Variants in CPNE4 observed in about 807,000 individuals in gnomAD.
CPNE4 encodes the protein copine-4.
In CPNE4, 25 loss-of-function variants were observed where a neutral mutation model predicts 67.9. That is an observed-to-expected ratio of 0.37 (90% CI 0.27 to 0.51). CPNE4 has a LOEUF of 0.51. CPNE4 is among the 20% of genes least tolerant of loss of function. The pLI, the probability that CPNE4 is intolerant of heterozygous loss-of-function variation, is 0.93. For synonymous variants in CPNE4, 242 were observed against 244.9 expected (o/e 0.99, Z 0.11); for missense variants, 464 against 690.8 (o/e 0.67, Z 3.68).
At chr3:131,774,682 G>T (rs941956092) in intron 2 of CPNE4, among the ~76,000 whole-genome samples, 5 of 152,010 alleles carry the variant, frequency 3.3e-5, no homozygotes, top group Admixed American at 1.3e-4. Context: ...GTGCTTCAGG[G>T]TCTTCTACCA....
At chr3:131,541,123 A>C (rs1335250568) in intron 15 of CPNE4, among the ~76,000 whole-genome samples, 2 of 152,144 alleles carry the variant, frequency 1.3e-5, no homozygotes, top group Non-Finnish European at 2.9e-5. Flanking sequence ...GGTGGCTTTC[A>C]CAAGAAGCAC....
chr3:131,848,968 A>AAAAAAAAAAAAC (rs2086120052), intron 2 of CPNE4, among the ~76,000 whole-genome samples: 1 of 148,328 alleles, frequency 6.7e-6, no homozygotes, highest in African/African-American at 2.5e-5. Context: ...AAAAAAAAAA[A>AAAAAAAAAAAAC]AAAAAAAAAA....
intron 13 of CPNE4, 127 bp downstream of exon 13, chr3:131,552,313 T>C: frequency 1.3e-6 from 1 of 793,850 alleles, no homozygotes; most frequent in Non-Finnish European, 2.1e-6. Context: ...TGGTTTATGT[T>C]GATACAGAAA....
At chr3:131,900,647 T>A (rs752056883) in intron 2 of CPNE4, among the ~76,000 whole-genome samples, 3 of 152,118 alleles carry the variant, frequency 2.0e-5, no homozygotes, top group African/African-American at 7.2e-5. Context: ...TAGTGCTCAA[T>A]ACATGCTGGG....
intron 1 of CPNE4, among the ~76,000 whole-genome samples, chr3:131,947,329 A>G (rs1342004828): frequency 6.6e-6 from 1 of 152,060 alleles, no homozygotes; most frequent in Non-Finnish European, 1.5e-5. Context: ...TCAACCCATC[A>G]TTTAGGTTTT....
intron 2 of CPNE4, among the ~76,000 whole-genome samples, chr3:131,772,427 G>A (rs2083191227): frequency 6.6e-6 from 1 of 152,172 alleles, no homozygotes. Flanking sequence ...TGTACAGAAT[G>A]TGTGAGCTAT....
intron 2 of CPNE4, among the ~76,000 whole-genome samples, chr3:131,772,807 C>G (rs1003765938): frequency 2.0e-5 from 3 of 152,076 alleles, no homozygotes; most frequent in Non-Finnish European, 4.4e-5. Flanking sequence ...CATGAATGTG[C>G]CTGGGGAAAG....
At chr3:131,792,834 CGT>C (rs1398932180) in intron 2 of CPNE4, among the ~76,000 whole-genome samples, 1 of 135,522 alleles carries the variant, frequency 7.4e-6, no homozygotes, top group Non-Finnish European at 1.6e-5. Flanking sequence ...ATAATGAGTG[CGT>C]GTGTGTATAT....
At position 131,656,349 on chromosome 3, in the gene CPNE4, C is replaced by A. The variant is rs185961459; in HGVS notation, c.681+13326G>T. Reference sequence around the variant, plus strand: ...TTAAAGGAAGTGTCCCAGGTCATAACTGATGTGATGGAAACATTAACCTAA... The same window carrying A: ...TTAAAGGAAGTGTCCCAGGTCATAAATGATGTGATGGAAACATTAACCTAA... On this transcript the variant is annotated intron_variant, in intron 7 of 15. Coordinates refer to ENST00000429747, the MANE Select transcript of CPNE4 (RefSeq NM_130808.3). Among the ~76,000 whole-genome samples, 5 of 152,258 alleles carry A rather than the reference C, an allele frequency of 3.3e-5. No homozygotes were observed. The East Asian group carries it at 9.6e-4, about 29-fold the overall frequency.
At chr3:131,733,603 TAAAAGCAGGCAGAGCCTGCC>T (rs1177797349) in intron 2 of CPNE4, among the ~76,000 whole-genome samples, 4 of 152,134 alleles carry the variant, frequency 2.6e-5, no homozygotes, top group Non-Finnish European at 4.4e-5. Flanking sequence ...GCCTGCCTGC[TAAAAGCAGGCAGAGCCTGCC>T]AAGATTGGGA....
chr3:131,872,061 A>G (rs2087233037), intron 2 of CPNE4, among the ~76,000 whole-genome samples: 1 of 152,120 alleles, frequency 6.6e-6, no homozygotes, highest in Non-Finnish European at 1.5e-5. Context: ...ACCTGGGTGG[A>G]CCTTTGTAAC....
At chr3:131,746,289 A>T (rs10470436) in intron 2 of CPNE4, among the ~76,000 whole-genome samples, 5 of 152,062 alleles carry the variant, frequency 3.3e-5, no homozygotes, top group Non-Finnish European at 7.4e-5. Flanking sequence ...CATTAAAATC[A>T]CTCTCTCTTA....
At chr3:131,870,177 C>A (rs1352783919) in intron 2 of CPNE4, among the ~76,000 whole-genome samples, 1 of 152,128 alleles carries the variant, frequency 6.6e-6, no homozygotes, top group Non-Finnish European at 1.5e-5. Context: ...AGGATACAAT[C>A]CTAGGGCTCA....
intron 2 of CPNE4, among the ~76,000 whole-genome samples, chr3:131,848,981 A>AAAAAAAAC (rs1297906130): frequency 7.1e-6 from 1 of 141,668 alleles, no homozygotes; most frequent in African/African-American, 2.5e-5. Flanking sequence ...AAAAAAAAAA[A>AAAAAAAAC]ACACAGAGAT....
chr3:131,838,745 T>C (rs956860975), intron 2 of CPNE4, among the ~76,000 whole-genome samples: 1 of 151,704 alleles, frequency 6.6e-6, no homozygotes, highest in African/African-American at 2.4e-5. Context: ...TAAGCTCAGG[T>C]GATAGGACAT....
intron 7 of CPNE4, among the ~76,000 whole-genome samples, chr3:131,594,878 TA>T (rs749829930): frequency 1.3e-5 from 2 of 152,056 alleles, no homozygotes; most frequent in African/African-American, 2.4e-5. Flanking sequence ...AAAACTCAAT[TA>T]AAAAAATTGA....
chr3:131,554,888 C>T lies in CPNE4; in HGVS notation c.1116+609G>A, dbSNP rs1936379407. On this transcript the variant is annotated intron_variant, in intron 12 of 15. Coordinates refer to ENST00000429747, the MANE Select transcript of CPNE4 (RefSeq NM_130808.3). Reference sequence around the variant, plus strand: ...TGTTCTACAGGAGCATCTAGAATATCACAGTAGTGTCTCAGCCTCATTACA... The same window carrying T: ...TGTTCTACAGGAGCATCTAGAATATTACAGTAGTGTCTCAGCCTCATTACA... Among the ~76,000 whole-genome samples the T allele has an allele frequency of 2.0e-5, 3 of 152,068 alleles. No individual in the cohort carries two copies. The South Asian group carries it at 6.2e-4, about 31-fold the overall frequency.
chr3:131,905,941 C>T (rs895943804), intron 1 of CPNE4, among the ~76,000 whole-genome samples: 1 of 152,110 alleles, frequency 6.6e-6, no homozygotes, highest in Non-Finnish European at 1.5e-5. Flanking sequence ...AAACTTTGCC[C>T]TCTTCTCAAA....
chr3:131,872,085 AG>A (rs2087235016), intron 2 of CPNE4, among the ~76,000 whole-genome samples: 1 of 152,132 alleles, frequency 6.6e-6, no homozygotes, highest in African/African-American at 2.4e-5. Context: ...CTCAAACAAC[AG>A]TGTGACAGAA....
Sources: gnomAD v4.1 joint callset for allele counts (sites outside exome capture counted in the v4.1 genomes callset) on GRCh38, gnomAD v4.1.1 for gene constraint, MANE v1.5 for transcripts, NCBI Gene and HGNC (gene_info 2026-07-23, HGNC 2026-07-21) for gene names.